The following TANGO6 variants were observed in gnomAD, a reference collection of about 807,000 sequenced individuals.
TANGO6 encodes the protein transport and Golgi organization protein 6 homolog.
TANGO6 carries 90 observed loss-of-function variants against 114.2 expected under a neutral mutation model. The ratio of observed to expected loss-of-function variants is 0.79; its 90% CI spans 0.66 to 0.94. The LOEUF (loss-of-function observed/expected upper bound fraction) is 0.94. Among genes scored for constraint, TANGO6 ranks in the 40% least tolerant of loss-of-function variants. The probability of loss-of-function intolerance (pLI) is 0.00; values close to 1 mark genes in which losing one functional copy is unlikely to be tolerated. For missense variants in TANGO6, 1,274 were observed against 1,315.3 expected, an observed-to-expected ratio of 0.97 and a Z score of 0.49; for synonymous variants, 477 against 509.8, an observed-to-expected ratio of 0.94 and a Z score of 0.87.
chr16:68,968,611 C>G (rs962911634), intron 14 of TANGO6, among the ~76,000 whole-genome samples: 6 of 151,794 alleles, frequency 4.0e-5, no homozygotes, highest in African/African-American at 1.5e-4. Flanking sequence ...GTGGTCCACC[C>G]GCCTCGGCCT....
chr16:69,074,277 G>A (rs1567571106), intron 17 of TANGO6, among the ~76,000 whole-genome samples: 1 of 150,848 alleles, frequency 6.6e-6, no homozygotes, highest in African/African-American at 2.4e-5. Context: ...GTGTGTGTGT[G>A]TGTATATATA....
At chr16:68,909,603 A>T in intron 11 of TANGO6, 1 of 405,428 alleles carries the variant, frequency 2.5e-6, no homozygotes, top group Non-Finnish European at 4.2e-6. Context: ...CACACGTTTA[A>T]CAAGCTCCCG....
intron 14 of TANGO6, among the ~76,000 whole-genome samples, chr16:68,970,017 T>G (rs2152211798): frequency 6.6e-6 from 1 of 152,152 alleles, no homozygotes; most frequent in East Asian, 1.9e-4. Context: ...TCTTTCCCAG[T>G]AGTGTCAATG....
At chr16:68,843,822 C>T in intron 1 of TANGO6, 111 bp downstream of exon 1, 1 of 984,976 alleles carries the variant, frequency 1.0e-6, no homozygotes, top group South Asian at 1.5e-5. Context: ...GCCTCGGGAC[C>T]CTCCGCCCGC....
In TANGO6 at chr16:68,860,205, T is replaced by A; in HGVS notation, c.416T>A (p.Ile139Asn). 1 of 1,613,990 alleles carries A rather than the reference T, an allele frequency of 6.2e-7. No homozygotes were observed. Among genetic ancestry groups the A allele is most frequent in the African/African-American group, 1.3e-5 (1 of 75,028 alleles). ...APALSPDALS[I>N]SQQKTVQFVL... ...GCCCTGAGCCCCGATGCACTTAGTATCTCACAACAGAAGACTGTCCAGTTC... is the reference window on the plus strand; with the variant it reads ...GCCCTGAGCCCCGATGCACTTAGTAACTCACAACAGAAGACTGTCCAGTTC... The change falls in exon 2 of 18, where the codon ATC (isoleucine) becomes AAC (asparagine). Residue 139 changes from isoleucine to asparagine, a missense_variant. Ile to Asn is a moderately radical substitution (Grantham distance 149). This residue lies in a region of TANGO6 where 908 missense variants were observed against 910.2 expected (regional missense o/e 1.00). Transcript: ENST00000261778.
At chr16:69,067,773 A>C (rs1351488925) in intron 17 of TANGO6, among the ~76,000 whole-genome samples, 1 of 151,876 alleles carries the variant, frequency 6.6e-6, no homozygotes, top group East Asian at 1.9e-4. Context: ...CCCTGTCTCT[A>C]CTAAAAATAC....
chr16:68,874,776 T>C (rs60112683), intron 4 of TANGO6, among the ~76,000 whole-genome samples: 2,041 of 152,120 alleles, frequency 0.013, 45 homozygotes, highest in African/African-American at 0.045. Context: ...GGCAAAACCC[T>C]GTCTCTACTA....
intron 7 of TANGO6, among the ~76,000 whole-genome samples, chr16:68,894,696 G>C (rs190209793): frequency 3.9e-5 from 6 of 152,120 alleles, no homozygotes; most frequent in African/African-American, 1.4e-4. Context: ...GAGGCCAGGG[G>C]TATGTGTTTG....
intron 15 of TANGO6, among the ~76,000 whole-genome samples, chr16:69,005,780 CTT>C (rs887434461): frequency 7.1e-5 from 10 of 140,898 alleles, no homozygotes; most frequent in African/African-American, 2.5e-4. Context: ...AACAATGAAA[CTT>C]CATCTCAAAA....
At chr16:69,043,880 G>A (rs1016616758) in intron 17 of TANGO6, among the ~76,000 whole-genome samples, 5 of 152,282 alleles carry the variant, frequency 3.3e-5, no homozygotes, top group Non-Finnish European at 4.4e-5. Context: ...TTGTGGATGC[G>A]TCAGCCAAGG....
chr16:69,054,830 A>G (rs902844004), intron 17 of TANGO6, among the ~76,000 whole-genome samples: 1 of 149,796 alleles, frequency 6.7e-6, no homozygotes, highest in Non-Finnish European at 1.5e-5. Context: ...AGTCCCAGCC[A>G]TTCGGGAGCC....
chr16:68,956,365 G>A (rs1210455096), intron 14 of TANGO6, among the ~76,000 whole-genome samples: 4 of 152,092 alleles, frequency 2.6e-5, no homozygotes, highest in Non-Finnish European at 4.4e-5. Flanking sequence ...TGGCTTTGAA[G>A]GGCAACATTG....
chr16:68,903,165 G>A (rs929385660), intron 9 of TANGO6, among the ~76,000 whole-genome samples: 7 of 152,144 alleles, frequency 4.6e-5, no homozygotes, highest in African/African-American at 7.2e-5. Context: ...GCTGTTTGTT[G>A]AAGTGTTGAA....
At chr16:68,958,263 C>T (rs374045764) in intron 14 of TANGO6, among the ~76,000 whole-genome samples, 2 of 150,324 alleles carry the variant, frequency 1.3e-5, no homozygotes, top group East Asian at 2.0e-4. Flanking sequence ...GAGGGTGAGG[C>T]GGGCAAATCA....
At chr16:68,984,504 C>A (rs1404395739) in intron 15 of TANGO6, among the ~76,000 whole-genome samples, 1 of 151,126 alleles carries the variant, frequency 6.6e-6, no homozygotes, top group Non-Finnish European at 1.5e-5. Context: ...ACTATACTTC[C>A]TACTTATATT....
chr16:69,028,799 TGCCTCA>T (rs1033906856), intron 16 of TANGO6, among the ~76,000 whole-genome samples: 26 of 147,476 alleles, frequency 1.8e-4, no homozygotes, highest in African/African-American at 6.3e-4. Flanking sequence ...GTGATCCACC[TGCCTCA>T]GCCTTCTGAG....
At chr16:69,079,729 G>A (rs1416374649) in intron 17 of TANGO6, among the ~76,000 whole-genome samples, 2 of 152,174 alleles carry the variant, frequency 1.3e-5, no homozygotes, top group African/African-American at 4.8e-5. Context: ...AAAATAAGGA[G>A]TTTACAATAC....
intron 14 of TANGO6, among the ~76,000 whole-genome samples, chr16:68,966,534 A>G (rs1963647694): frequency 6.6e-6 from 1 of 152,100 alleles, no homozygotes; most frequent in Non-Finnish European, 1.5e-5. Flanking sequence ...AAATAAATAA[A>G]TAATGAAATA....
At chr16:68,872,556 A>T (rs1194914790) in intron 4 of TANGO6, among the ~76,000 whole-genome samples, 3 of 148,198 alleles carry the variant, frequency 2.0e-5, no homozygotes, top group Middle Eastern at 3.4e-3. Context: ...CCCGCCTTGG[A>T]CTCCCAAAGT....
Sources: gnomAD v4.1 joint callset for allele counts (sites outside exome capture counted in the v4.1 genomes callset) on GRCh38, gnomAD v4.1.1 for gene constraint, gnomAD v4.1.1 regional missense constraint, MANE v1.5 for transcripts, NCBI Gene and HGNC (gene_info 2026-07-23, HGNC 2026-07-21) for gene names.